The following THRB variants were observed in gnomAD, a reference collection of about 807,000 sequenced individuals.
The protein encoded by THRB is thyroid hormone receptor beta.
Under a neutral mutation model 47.8 loss-of-function variants are expected in THRB, and 12 were observed. The observed-to-expected ratio is 0.25, with a 90% CI of 0.16 to 0.41. The LOEUF is 0.41. THRB is among the 10% of genes least tolerant of loss of function. The pLI is 1.00. For synonymous variants in THRB, 218 were observed against 212.2 expected (o/e 1.03, Z -0.24); for missense variants, 348 against 589.2 (o/e 0.59, Z 4.24).
At position 24,469,555 on chromosome 3, in the gene THRB, C is replaced by G. The variant is rs181026034; in HGVS notation, c.-261+25097G>C. On this transcript the variant is annotated intron_variant, in intron 1 of 10. Transcript: ENST00000646209. ...CTTGAAATATGTAAATCAGGGGAAG[C>G]ATTCAACCTACTTCTGAAGAGTATA... 3.8e-3 allele frequency among the ~76,000 whole-genome samples: 583 copies of G among 152,284 alleles called. 5 individuals carry two copies. Among genetic ancestry groups the G allele is most frequent in the Middle Eastern group, 6.8e-3 (2 of 294 alleles).
At chr3:24,451,660 T>C (rs1264592366) in intron 1 of THRB, among the ~76,000 whole-genome samples, 1 of 152,178 alleles carries the variant, frequency 6.6e-6, no homozygotes, top group Admixed American at 6.5e-5. Context: ...GACAGCTCCT[T>C]ATAAAGCAAA....
intron 3 of THRB, among the ~76,000 whole-genome samples, chr3:24,288,470 A>G (rs1303334862): frequency 6.6e-6 from 1 of 152,108 alleles, no homozygotes; most frequent in Non-Finnish European, 1.5e-5. Flanking sequence ...TGAGTATGTG[A>G]CTGCTCTTTT....
At chr3:24,436,278 C>T (rs2070937980) in intron 1 of THRB, among the ~76,000 whole-genome samples, 1 of 151,828 alleles carries the variant, frequency 6.6e-6, no homozygotes, top group African/African-American at 2.4e-5. Flanking sequence ...GACTGAGTTA[C>T]AGAGAGGAAA....
intron 1 of THRB, among the ~76,000 whole-genome samples, chr3:24,350,136 A>G (rs2063277323): frequency 2.6e-5 from 4 of 152,096 alleles, no homozygotes; most frequent in Admixed American, 6.6e-5. Context: ...CTCATTATTT[A>G]TCAGGAGAGT....
At chr3:24,299,766 C>CT (rs1360367092) in intron 2 of THRB, among the ~76,000 whole-genome samples, 662 of 58,524 alleles carry the variant, frequency 0.011, 164 homozygotes, top group African/African-American at 0.044. Context: ...GGGAAGTATG[C>CT]TTTTTTATTT....
At chr3:24,231,971 G>A (rs2048305522) in intron 3 of THRB, among the ~76,000 whole-genome samples, 1 of 152,214 alleles carries the variant, frequency 6.6e-6, no homozygotes, top group Non-Finnish European at 1.5e-5. Context: ...GAGTTGTTGA[G>A]TTAGAAAGGG....
At chr3:24,443,601 T>G (rs1432213223) in intron 1 of THRB, among the ~76,000 whole-genome samples, 1 of 152,106 alleles carries the variant, frequency 6.6e-6, no homozygotes, top group Non-Finnish European at 1.5e-5. Context: ...AAGAAAACAT[T>G]TCATCAGGGC....
At chr3:24,276,772 C>A (rs2053958094) in intron 3 of THRB, among the ~76,000 whole-genome samples, 1 of 152,146 alleles carries the variant, frequency 6.6e-6, no homozygotes, top group South Asian at 2.1e-4. Context: ...CCTGGTGGAC[C>A]CAGTGTCTGC....
intron 3 of THRB, among the ~76,000 whole-genome samples, chr3:24,279,420 G>T (rs1475861804): frequency 6.6e-6 from 1 of 151,740 alleles, no homozygotes; most frequent in Non-Finnish European, 1.5e-5. Context: ...GCCTCATTCT[G>T]TCGCCCAGGC....
chr3:24,391,065 A>G (rs1287886116), intron 1 of THRB, among the ~76,000 whole-genome samples: 4 of 152,210 alleles, frequency 2.6e-5, no homozygotes, highest in African/African-American at 9.6e-5. Context: ...GTCTGGCAGA[A>G]GGAGCAGTGG....
At chr3:24,164,762 A>G (rs1205494463) in intron 5 of THRB, among the ~76,000 whole-genome samples, 3 of 152,202 alleles carry the variant, frequency 2.0e-5, no homozygotes, top group African/African-American at 7.2e-5. Flanking sequence ...AACAATAGTC[A>G]CTTTGGGCAA....
intron 5 of THRB, among the ~76,000 whole-genome samples, chr3:24,160,544 T>C (rs537697120): frequency 6.6e-6 from 1 of 152,254 alleles, no homozygotes; most frequent in East Asian, 1.9e-4. Context: ...GAGGAAATTC[T>C]CTACAACAGC....
intron 9 of THRB, among the ~76,000 whole-genome samples, chr3:24,128,863 CTTTTTT>C (rs57890674): frequency 2.2e-4 from 19 of 87,058 alleles, no homozygotes; most frequent in East Asian, 1.8e-3. Flanking sequence ...AAACATAACT[CTTTTTT>C]TTTTTTTTTT....
At chr3:24,457,829 T>A (rs1033990762) in intron 1 of THRB, 1 of 152,192 alleles carries the variant, frequency 6.6e-6, no homozygotes, top group Non-Finnish European at 1.5e-5. Context: ...AAACAGCAGA[T>A]CAGATTTCCC....
intron 1 of THRB, among the ~76,000 whole-genome samples, chr3:24,353,406 T>C (rs1181107822): frequency 6.6e-6 from 1 of 152,096 alleles, no homozygotes; most frequent in Admixed American, 6.6e-5. Flanking sequence ...TCTATAGACA[T>C]TTGACAAGGA....
At chr3:24,382,409 C>G (rs1020018257) in intron 1 of THRB, among the ~76,000 whole-genome samples, 4 of 151,888 alleles carry the variant, frequency 2.6e-5, no homozygotes, top group African/African-American at 9.7e-5. Flanking sequence ...GGAAAAATAT[C>G]ATTAAACGAA....
intron 1 of THRB, among the ~76,000 whole-genome samples, chr3:24,338,683 C>T (rs910897420): frequency 2.6e-5 from 4 of 152,226 alleles, no homozygotes; most frequent in Admixed American, 2.0e-4. Flanking sequence ...CTCTGGGCTT[C>T]TGAAGAAGCT....
At position 24,432,470 on chromosome 3, in the gene THRB, C is replaced by T. The variant is rs1295829864; in HGVS notation, c.-261+62182G>A. On this transcript the variant is annotated intron_variant, in intron 1 of 10. Coordinates refer to ENST00000646209, the MANE Select transcript of THRB (RefSeq NM_001354712.2). ...CTAGTTAAGAGAGGGGAACCTCTCACCATATTCAGCACTAAAGCTATATCT... is the reference window on the plus strand; with the variant it reads ...CTAGTTAAGAGAGGGGAACCTCTCATCATATTCAGCACTAAAGCTATATCT... Among the ~76,000 whole-genome samples, 7 of 152,196 alleles carry T rather than the reference C, an allele frequency of 4.6e-5. No homozygotes were observed. The East Asian group carries it at 1.4e-3, about 29-fold the overall frequency.
At chr3:24,479,065 A>G (rs953922112) in intron 1 of THRB, among the ~76,000 whole-genome samples, 1 of 152,128 alleles carries the variant, frequency 6.6e-6, no homozygotes, top group Non-Finnish European at 1.5e-5. Flanking sequence ...TTGGGAGGCC[A>G]AGGTGGGAGG....
Sources: allele counts gnomAD v4.1 joint callset (sites outside exome capture counted in the v4.1 genomes callset), GRCh38; gene constraint gnomAD v4.1.1; transcripts MANE v1.5; gene names NCBI Gene and HGNC (gene_info 2026-07-23, HGNC 2026-07-21).